TFEC: variants seen among roughly 807,000 people sequenced by gnomAD.
TFEC encodes the protein transcription factor EC, also known as class E basic helix-loop-helix protein 34.
A neutral mutation model predicts 41.6 loss-of-function variants in TFEC; 31 were observed. The observed-to-expected ratio is 0.74, with a 90% CI of 0.56 to 1.01. TFEC has a LOEUF of 1.01. Among genes scored for constraint, TFEC ranks in the 50% least tolerant of loss-of-function variants. The pLI is 0.00. For missense variants in TFEC, 402 were observed against 404.1 expected, an observed-to-expected ratio of 0.99 and a Z score of 0.04; for synonymous variants, 143 against 140.6, an observed-to-expected ratio of 1.02 and a Z score of -0.12.
chr7:116,003,818 A>G (rs1015409579), intron 1 of TFEC, among the ~76,000 whole-genome samples: 1 of 152,168 alleles, frequency 6.6e-6, no homozygotes, highest in Non-Finnish European at 1.5e-5. Context: ...CTACAAATCA[A>G]TAACAAAAAG....
intron 1 of TFEC, among the ~76,000 whole-genome samples, chr7:115,997,965 A>G (rs1794433731): frequency 1.3e-5 from 2 of 152,010 alleles, no homozygotes; most frequent in South Asian, 4.1e-4. Context: ...CCACAAAATA[A>G]CCTCCAAAGG....
chr7:116,079,110 C>T (rs184747344), intron 3 of TFEC, among the ~76,000 whole-genome samples: 1 of 152,072 alleles, frequency 6.6e-6, no homozygotes, highest in Non-Finnish European at 1.5e-5. Context: ...GCAGGAAAAA[C>T]ATTTGACAAA....
intron 3 of TFEC, among the ~76,000 whole-genome samples, chr7:116,089,195 T>C (rs1422562329): frequency 1.3e-5 from 2 of 152,138 alleles, no homozygotes; most frequent in Non-Finnish European, 2.9e-5. Flanking sequence ...TATCTGATTA[T>C]ATAGAATAGT....
chr7:115,989,521 C>G (rs1794011270), intron 1 of TFEC, among the ~76,000 whole-genome samples: 1 of 152,168 alleles, frequency 6.6e-6, no homozygotes, highest in Admixed American at 6.5e-5. Flanking sequence ...CAGACAGTAC[C>G]TGGAAAATCA....
At chr7:116,080,150 C>T (rs1489777310) in intron 3 of TFEC, among the ~76,000 whole-genome samples, 1 of 152,050 alleles carries the variant, frequency 6.6e-6, no homozygotes. Context: ...AAACTAGATC[C>T]TCATCTCTCA....
At chr7:115,949,251 T>C (rs1272023101) in intron 6 of TFEC, among the ~76,000 whole-genome samples, 6 of 152,020 alleles carry the variant, frequency 3.9e-5, no homozygotes, top group Admixed American at 3.9e-4. Context: ...GAAGAATCAA[T>C]ATCGTGAAAA....
intron 1 of TFEC, among the ~76,000 whole-genome samples, chr7:116,146,450 G>A (rs1394375168): frequency 1.3e-5 from 2 of 152,216 alleles, no homozygotes; most frequent in Non-Finnish European, 2.9e-5. Flanking sequence ...AGGGCAGAAA[G>A]AGGTTGGAGA....
In TFEC at chr7:116,097,553, T is replaced by A. The variant is rs551504007; in HGVS notation, c.198+13155A>T. Among the ~76,000 whole-genome samples the A allele has an allele frequency of 2.0e-5, 3 of 152,140 alleles. No individual in the cohort carries two copies. In the East Asian group the frequency reaches 5.8e-4, roughly 29 times the overall value. The stretch of plus-strand genomic sequence containing the variant: ...ATAACGAAAATGGCTACTAAGTGAC[T>A]AACAGGAAGTAGCTTTTATAGTGTG... On this transcript the variant is annotated intron_variant, in intron 3 of 8. Transcript: ENST00000484212.
Position 115,938,117 on chromosome 7 carries a change from C to T in TFEC, c.*2434G>A, listed in dbSNP as rs1234063957. 3 of 151,818 alleles carry T rather than the reference C, an allele frequency of 2.0e-5. No individual in the cohort carries two copies. Among genetic ancestry groups the T allele is most frequent in the Non-Finnish European group, 4.4e-5 (3 of 67,868 alleles). The allele number at this position is 151,818 out of a possible 1,614,324, so 9.4% of individuals were successfully genotyped here. On this transcript the variant is annotated 3_prime_UTR_variant, in exon 8 of 8. Transcript: ENST00000265440. ...TGTGTCCAGGCTCTATCATCCTGTG[C>T]CAAGTCCTTATCTCAGCCAAGATTG...
At chr7:116,080,904 C>A (rs553415390) in intron 3 of TFEC, among the ~76,000 whole-genome samples, 30 of 151,860 alleles carry the variant, frequency 2.0e-4, no homozygotes, top group African/African-American at 4.3e-4. Context: ...TTTATAGCAG[C>A]ACAATTTGCA....
intron 3 of TFEC, among the ~76,000 whole-genome samples, chr7:116,090,498 G>C (rs1360511305): frequency 6.6e-6 from 1 of 152,072 alleles, no homozygotes; most frequent in Admixed American, 6.6e-5. Context: ...GAGACGCCAA[G>C]AACCCGGACA....
intron 3 of TFEC, among the ~76,000 whole-genome samples, chr7:116,057,370 A>T (rs1796454363): frequency 6.6e-6 from 1 of 152,026 alleles, no homozygotes; most frequent in African/African-American, 2.4e-5. Context: ...TATGTACAGA[A>T]AAACAAAGAC....
chr7:116,034,801 G>A (rs575695485), upstream of TFEC, among the ~76,000 whole-genome samples: 3 of 152,004 alleles, frequency 2.0e-5, no homozygotes, highest in African/African-American at 7.2e-5. Flanking sequence ...CATACTCAGA[G>A]GAAGAACTTA....
At chr7:116,027,716 A>G (rs1795640103) in intron 1 of TFEC, among the ~76,000 whole-genome samples, 1 of 152,206 alleles carries the variant, frequency 6.6e-6, no homozygotes, top group Non-Finnish European at 1.5e-5. Flanking sequence ...AAAGGGAGGT[A>G]TAAAAGAAGT....
rs143448664 is a variant in TFEC at position 116,066,687 on chromosome 7, T to C, written c.198+44021A>G. 4.0e-3 allele frequency among the ~76,000 whole-genome samples: 610 copies of C among 152,208 alleles called. 3 individuals carry two copies. Among genetic ancestry groups the C allele is most frequent in the African/African-American group, 0.014 (587 of 41,568 alleles). On this transcript the variant is annotated intron_variant, in intron 3 of 8. Transcript: ENST00000484212. Reference sequence around the variant, plus strand: ...CCAAGTTGTAATTGTTTTCATGATATTTAAAAAATACAATTACAATTTTTT... The same window carrying C: ...CCAAGTTGTAATTGTTTTCATGATACTTAAAAAATACAATTACAATTTTTT...
In TFEC at chr7:116,077,817, A is replaced by C. The variant is rs183190777; in HGVS notation, c.198+32891T>G. ...CCTAAGAAATGAGATAAACAGAAAC[A>C]CTATTATAGTGGGGGACTTTAATAC... is the stretch of plus-strand genomic sequence containing the variant. On this transcript the variant is annotated intron_variant, in intron 3 of 8. Transcript: ENST00000484212. Among the ~76,000 whole-genome samples, 254 of 152,180 alleles carry C rather than the reference A, an allele frequency of 1.7e-3. 2 individuals carry two copies. The highest frequency in any genetic ancestry group is 2.8e-3 in the Non-Finnish European group (189 of 67,946).
intron 3 of TFEC, among the ~76,000 whole-genome samples, chr7:116,096,998 G>A (rs1343890040): frequency 1.3e-5 from 2 of 152,020 alleles, no homozygotes; most frequent in Non-Finnish European, 2.9e-5. Flanking sequence ...GCTGAGGCAG[G>A]AGAATCGCTC....
Position 115,974,229 on chromosome 7 carries a change from C to A in TFEC, c.208G>T (p.Gly70Cys). ...TCCTCTTTAAAACTTGATTCCATAC[C>A]GATTATATCCTCAATAACGTCCTCC... is the stretch of plus-strand genomic sequence containing the variant. ...HMEDVIEDII[G>C]MESSFKEEGA... Residue 70 changes from glycine to cysteine, a missense_variant, in exon 3 of 8, where the codon GGT becomes TGT. Coordinates refer to ENST00000265440, the MANE Select transcript of TFEC (RefSeq NM_012252.4). The A allele has an allele frequency of 6.3e-7, 1 of 1,589,330 alleles. No homozygotes were observed. Among genetic ancestry groups the A allele is most frequent in the Non-Finnish European group, 8.6e-7 (1 of 1,169,048 alleles).
intron 2 of TFEC, among the ~76,000 whole-genome samples, chr7:115,983,342 A>C (rs1308780632): frequency 6.6e-6 from 1 of 152,098 alleles, no homozygotes; most frequent in African/African-American, 2.4e-5. Context: ...AATTTGTTTA[A>C]AAAAATTCTC....
Sources: gnomAD v4.1 joint callset for allele counts (sites outside exome capture counted in the v4.1 genomes callset) on GRCh38, gnomAD v4.1.1 for gene constraint, MANE v1.5 for transcripts, NCBI Gene and HGNC (gene_info 2026-07-23, HGNC 2026-07-21) for gene names.